Variants in AHI1 observed in about 807,000 individuals in gnomAD.
The protein encoded by AHI1 is Abelson helper integration site 1, also known as jouberin.
In AHI1, 123 loss-of-function variants were observed where a neutral mutation model predicts 149.3. The ratio of observed to expected loss-of-function variants is 0.82; its 90% CI spans 0.71 to 0.96. The LOEUF is 0.96. Among genes scored for constraint, AHI1 ranks in the 40% least tolerant of loss-of-function variants. The probability of loss-of-function intolerance (pLI) is 0.00; values close to 1 mark genes in which losing one functional copy is unlikely to be tolerated. For synonymous variants in AHI1, 475 were observed against 459.8 expected (o/e 1.03, Z -0.42); for missense variants, 1,439 against 1,422.7 (o/e 1.01, Z -0.18).
intron 5 of AHI1, among the ~76,000 whole-genome samples, chr6:135,483,004 G>C (rs1793942808): frequency 6.8e-6 from 1 of 146,778 alleles, no homozygotes; most frequent in African/African-American, 2.5e-5. Context: ...TAATTCTCCT[G>C]CCTCGGCCTC....
intron 23 of AHI1, among the ~76,000 whole-genome samples, chr6:135,364,280 C>T (rs1439928574): frequency 6.6e-6 from 1 of 151,610 alleles, no homozygotes; most frequent in Non-Finnish European, 1.5e-5. Flanking sequence ...GTGCTCCCCA[C>T]ATCTCAGACG....
At chr6:135,405,207 G>A (rs1780591000) in intron 21 of AHI1, among the ~76,000 whole-genome samples, 1 of 152,078 alleles carries the variant, frequency 6.6e-6, no homozygotes, top group African/African-American at 2.4e-5. Flanking sequence ...ACTCCCGAGG[G>A]CTCACAGGTT....
At chr6:135,439,102 T>A (rs1178820560) in intron 14 of AHI1, among the ~76,000 whole-genome samples, 2 of 152,194 alleles carry the variant, frequency 1.3e-5, no homozygotes, top group African/African-American at 4.8e-5. Flanking sequence ...TCTGCTTCCA[T>A]CTAGTGGTAA....
intron 22 of AHI1, 82 bp downstream of exon 22, chr6:135,404,869 A>G: frequency 7.7e-7 from 1 of 1,298,566 alleles, no homozygotes; most frequent in African/African-American, 1.5e-5. Context: ...AAAGGTTCCA[A>G]ACTCTATGAA....
chr6:135,390,475 T>C (rs1582987482), intron 23 of AHI1, among the ~76,000 whole-genome samples: 1 of 151,990 alleles, frequency 6.6e-6, no homozygotes, highest in Non-Finnish European at 1.5e-5. Context: ...GTAATACTCA[T>C]AGCCAGAGGG....
chr6:135,374,979 C>T (rs1435924393), intron 23 of AHI1, among the ~76,000 whole-genome samples: 1 of 152,040 alleles, frequency 6.6e-6, no homozygotes, highest in African/African-American at 2.4e-5. Context: ...ATGATGTGGC[C>T]CAACTGTATG....
At chr6:135,288,355 T>C (rs1387285671) in intron 28 of AHI1, among the ~76,000 whole-genome samples, 1 of 152,056 alleles carries the variant, frequency 6.6e-6, no homozygotes, top group Non-Finnish European at 1.5e-5. Context: ...GTTCAGGTAC[T>C]TTGTAGCTGT....
chr6:135,494,643 T>C (rs1235011015), intron 3 of AHI1, among the ~76,000 whole-genome samples: 3 of 152,218 alleles, frequency 2.0e-5, no homozygotes, highest in African/African-American at 7.2e-5. Context: ...CGTGTGTGTG[T>C]GTTTACGTAT....
intron 25 of AHI1, among the ~76,000 whole-genome samples, chr6:135,322,875 G>A (rs1414173656): frequency 1.3e-5 from 2 of 152,232 alleles, no homozygotes; most frequent in African/African-American, 4.8e-5. Context: ...GCATGAGGCA[G>A]GTGGCAGGGT....
chr6:135,309,287 A>C (rs1486078181), intron 26 of AHI1, among the ~76,000 whole-genome samples: 5 of 152,164 alleles, frequency 3.3e-5, no homozygotes, highest in African/African-American at 1.2e-4. Context: ...GATACCACCC[A>C]CCTTCTTTAT....
intron 8 of AHI1, among the ~76,000 whole-genome samples, chr6:135,460,807 C>A (rs1789754924): frequency 6.6e-6 from 1 of 152,158 alleles, no homozygotes; most frequent in African/African-American, 2.4e-5. Flanking sequence ...AAAAGTGACA[C>A]TGCAACACAG....
At chr6:135,408,547 A>C (rs1439066072) in intron 21 of AHI1, among the ~76,000 whole-genome samples, 1 of 152,128 alleles carries the variant, frequency 6.6e-6, no homozygotes, top group East Asian at 1.9e-4. Flanking sequence ...GGTTAAATCT[A>C]AACCCAGAGA....
intron 20 of AHI1, among the ~76,000 whole-genome samples, chr6:135,413,952 C>T (rs916713024): frequency 1.3e-5 from 2 of 152,096 alleles, no homozygotes; most frequent in Non-Finnish European, 2.9e-5. Context: ...TGCAGTCCCA[C>T]TCAAAATTCC....
intron 27 of AHI1, among the ~76,000 whole-genome samples, chr6:135,300,098 G>A (rs1562457575): frequency 2.0e-5 from 3 of 152,100 alleles, no homozygotes. Flanking sequence ...GCCGAGGCAG[G>A]TGGATCACCT....
chr6:135,417,110 T>C (rs751820102), intron 20 of AHI1, among the ~76,000 whole-genome samples: 1 of 152,080 alleles, frequency 6.6e-6, no homozygotes, highest in South Asian at 2.1e-4. Flanking sequence ...TTAACATTAG[T>C]AGGTGGGTTT....
At chr6:135,293,955 T>C (rs1782731260) in intron 27 of AHI1, among the ~76,000 whole-genome samples, 1 of 152,138 alleles carries the variant, frequency 6.6e-6, no homozygotes, top group Non-Finnish European at 1.5e-5. Flanking sequence ...AGGACTAATA[T>C]TACCTGATTT....
intron 7 of AHI1, among the ~76,000 whole-genome samples, chr6:135,464,677 A>G (rs571851424): frequency 9.8e-5 from 15 of 152,326 alleles, no homozygotes; most frequent in African/African-American, 3.1e-4. Flanking sequence ...ATATGGAGAC[A>G]GTCCATGTGG....
At chr6:135,301,543 T>C (rs564921395) in intron 26 of AHI1, 2 of 985,452 alleles carry the variant, frequency 2.0e-6, no homozygotes, top group African/African-American at 3.5e-5. Flanking sequence ...GCACTATCTT[T>C]AAACAAGCAT....
At chr6:135,416,410 C>T (rs1338426568) in intron 20 of AHI1, among the ~76,000 whole-genome samples, 1 of 151,466 alleles carries the variant, frequency 6.6e-6, no homozygotes, top group African/African-American at 2.4e-5. Flanking sequence ...TACCTCAAGA[C>T]ATTATTTCCT....
Sources: gnomAD v4.1 joint callset for allele counts (sites outside exome capture counted in the v4.1 genomes callset) on GRCh38, gnomAD v4.1.1 for gene constraint, MANE v1.5 for transcripts, NCBI Gene and HGNC (gene_info 2026-07-23, HGNC 2026-07-21) for gene names.